PDE3B: variants seen among roughly 807,000 people sequenced by gnomAD.
The protein encoded by PDE3B is cGMP-inhibited 3',5'-cyclic phosphodiesterase 3B.
PDE3B carries 66 observed loss-of-function variants against 116.8 expected under a neutral mutation model. The observed-to-expected ratio is 0.56, with a 90% confidence interval of 0.46 to 0.69. The LOEUF (loss-of-function observed/expected upper bound fraction) is 0.69, where lower values mean the gene tolerates loss of function less well. Ranked by LOEUF, PDE3B falls within the 30% of genes least tolerant of loss-of-function variation. The pLI is 0.00. For missense variants in PDE3B, 1,384 were observed against 1,368.1 expected (o/e 1.01, Z -0.18); for synonymous variants, 595 against 533.6 (o/e 1.12, Z -1.59).
intron 1 of PDE3B, chr11:14,673,632 G>A: frequency 1.5e-6 from 1 of 662,900 alleles, no homozygotes; most frequent in Admixed American, 1.8e-5. Flanking sequence ...ATAATCTCTG[G>A]CACTAAACAA....
At chr11:14,847,954 T>C (rs1182694595) in intron 12 of PDE3B, among the ~76,000 whole-genome samples, 3 of 152,012 alleles carry the variant, frequency 2.0e-5, no homozygotes, top group Non-Finnish European at 4.4e-5. Flanking sequence ...TTCCAATCAA[T>C]AGAAAAAGAG....
At position 14,654,835 on chromosome 11, in the gene PDE3B, G is replaced by A. The variant is rs536184987; in HGVS notation, c.978+9782G>A. ...ACACACACACACACACACACACAGAGCTAGTGCAACTGCTGAAAGAGTAGA... is the reference window on the plus strand; with the variant it reads ...ACACACACACACACACACACACAGAACTAGTGCAACTGCTGAAAGAGTAGA... On this transcript the variant is annotated intron_variant, in intron 1 of 15. Coordinates refer to ENST00000282096, the MANE Select transcript of PDE3B (RefSeq NM_000922.4). Among the ~76,000 whole-genome samples the A allele has an allele frequency of 2.1e-5, 3 of 145,772 alleles. No homozygotes were observed. The East Asian group carries it at 6.4e-4, about 31-fold the overall frequency.
At chr11:14,722,462 G>T (rs1856147182) in intron 1 of PDE3B, among the ~76,000 whole-genome samples, 1 of 152,134 alleles carries the variant, frequency 6.6e-6, no homozygotes, top group South Asian at 2.1e-4. Context: ...AGTCAAGAGA[G>T]AAACTTTTTC....
At chr11:14,663,620 C>T (rs1406707012) in intron 1 of PDE3B, among the ~76,000 whole-genome samples, 3 of 152,114 alleles carry the variant, frequency 2.0e-5, no homozygotes, top group Non-Finnish European at 4.4e-5. Flanking sequence ...GGTTGCAATC[C>T]TAGTCTCTGA....
At chr11:14,804,769 AAAGGAAATAG>A (rs1315656472) in intron 5 of PDE3B, among the ~76,000 whole-genome samples, 1 of 152,178 alleles carries the variant, frequency 6.6e-6, no homozygotes, top group Non-Finnish European at 1.5e-5. Context: ...ATGATGTTTA[AAAGGAAATAG>A]AAGGAATAAT....
chr11:14,684,723 T>C (rs1854816797), intron 1 of PDE3B, among the ~76,000 whole-genome samples: 1 of 152,190 alleles, frequency 6.6e-6, no homozygotes, highest in South Asian at 2.1e-4. Flanking sequence ...CCCCCAGGGA[T>C]GCATTCCTTT....
At chr11:14,674,414 C>T (rs1854469695) in intron 1 of PDE3B, 1 of 657,888 alleles carries the variant, frequency 1.5e-6, no homozygotes, top group African/African-American at 1.8e-5. Flanking sequence ...TTATTCCAAC[C>T]ACTGTAATGT....
intron 1 of PDE3B, among the ~76,000 whole-genome samples, chr11:14,743,927 A>G (rs1856838604): frequency 6.6e-6 from 1 of 152,116 alleles, no homozygotes; most frequent in Non-Finnish European, 1.5e-5. Context: ...TGAGCTGGGT[A>G]CCTCAGTTGG....
intron 12 of PDE3B, among the ~76,000 whole-genome samples, chr11:14,847,241 C>G (rs903968242): frequency 3.3e-5 from 5 of 151,870 alleles, no homozygotes; most frequent in South Asian, 2.1e-4. Flanking sequence ...TGAATGACTA[C>G]TGGGTACATA....
At chr11:14,860,427 G>T (rs1489385946) in intron 13 of PDE3B, among the ~76,000 whole-genome samples, 1 of 151,934 alleles carries the variant, frequency 6.6e-6, no homozygotes, top group Admixed American at 6.6e-5. Flanking sequence ...TCACACTGAA[G>T]TTCAAAAGCT....
intron 1 of PDE3B, among the ~76,000 whole-genome samples, chr11:14,649,365 T>G (rs1009448527): frequency 6.6e-6 from 1 of 152,204 alleles, no homozygotes; most frequent in African/African-American, 2.4e-5. Context: ...CTAATCTAAT[T>G]GAAATCTGCT....
At chr11:14,769,034 G>A (rs1376362675) in intron 1 of PDE3B, among the ~76,000 whole-genome samples, 1 of 151,396 alleles carries the variant, frequency 6.6e-6, no homozygotes, top group African/African-American at 2.4e-5. Flanking sequence ...CTAATATGAA[G>A]GGGATTTCAC....
chr11:14,887,991 T>C, the PDE3B span, among the ~76,000 whole-genome samples: 1 of 152,244 alleles, frequency 6.6e-6, no homozygotes, highest in East Asian at 1.9e-4. Flanking sequence ...TCTTGCTTTA[T>C]GGCCTTTGTT....
intron 1 of PDE3B, among the ~76,000 whole-genome samples, chr11:14,671,552 A>G (rs1042491195): frequency 1.3e-5 from 2 of 152,146 alleles, no homozygotes; most frequent in East Asian, 1.9e-4. Context: ...AGACAATTTT[A>G]TGGTATAATT....
intron 7 of PDE3B, among the ~76,000 whole-genome samples, chr11:14,820,382 C>T (rs1449040052): frequency 6.6e-6 from 1 of 151,940 alleles, no homozygotes; most frequent in East Asian, 1.9e-4. Context: ...TATATGATTA[C>T]ATTTATATGA....
chr11:14,846,422 C>G (rs1847603528), intron 12 of PDE3B, among the ~76,000 whole-genome samples: 1 of 152,198 alleles, frequency 6.6e-6, no homozygotes, highest in Non-Finnish European at 1.5e-5. Context: ...TAGGAAGAAA[C>G]TGCATCAACT....
At chr11:14,800,509 C>T (rs906350071) in intron 4 of PDE3B, among the ~76,000 whole-genome samples, 4 of 152,182 alleles carry the variant, frequency 2.6e-5, no homozygotes, top group Non-Finnish European at 4.4e-5. Context: ...TATAGGGTTT[C>T]TGCCGAGAGA....
At chr11:14,794,319 CTT>C (rs11333119) in intron 4 of PDE3B, among the ~76,000 whole-genome samples, 156 of 136,388 alleles carry the variant, frequency 1.1e-3, no homozygotes, top group Middle Eastern at 3.7e-3. Context: ...TTTTTCTTTT[CTT>C]TTTTTTTTTT....
chr11:14,881,075 T>G, the PDE3B span, among the ~76,000 whole-genome samples: 1 of 152,136 alleles, frequency 6.6e-6, no homozygotes, highest in Non-Finnish European at 1.5e-5. Flanking sequence ...CAACTTTTAC[T>G]ATAAGCCTAA....
Sources: gnomAD v4.1 joint callset for allele counts (sites outside exome capture counted in the v4.1 genomes callset) on GRCh38, gnomAD v4.1.1 for gene constraint, MANE v1.5 for transcripts, NCBI Gene and HGNC (gene_info 2026-07-23, HGNC 2026-07-21) for gene names.